The following SEMA6A variants were observed in gnomAD, a reference collection of about 807,000 sequenced individuals.
The protein encoded by SEMA6A is semaphorin 6A.
In SEMA6A, 25 loss-of-function variants were observed where a neutral mutation model predicts 96.8. The ratio of observed to expected loss-of-function variants is 0.26; its 90% CI spans 0.19 to 0.36. The LOEUF (loss-of-function observed/expected upper bound fraction) is 0.36. Ranked by LOEUF, SEMA6A falls within the 10% of genes least tolerant of loss-of-function variation. The pLI is 1.00. For synonymous variants in SEMA6A, 612 were observed against 518.0 expected, an observed-to-expected ratio of 1.18 and a Z score of -2.46; for missense variants, 1,363 against 1,323.1, an observed-to-expected ratio of 1.03 and a Z score of -0.47.
Position 116,574,294 on chromosome 5 carries a change from GCT to G in SEMA6A, c.-150_-149del, listed in dbSNP as rs1481659088. On this transcript the variant is annotated 5_prime_UTR_variant, in exon 1 of 19. It removes the in-frame stop codon of an upstream open reading frame in the 5' UTR. Coordinates refer to ENST00000343348, the MANE Select transcript of SEMA6A (RefSeq NM_020796.5). Reference sequence around the variant, plus strand: ...GGGATCTCTCCGGGCCGCGGGCTGCGCTCTCTCCTTCGCAAGCCTTTGTCATT... The same window carrying G: ...GGGATCTCTCCGGGCCGCGGGCTGCGCTCTCCTTCGCAAGCCTTTGTCATT... 4 of 152,536 alleles carry G rather than the reference GCT, an allele frequency of 2.6e-5. No homozygotes were observed. The highest frequency in any genetic ancestry group is 5.9e-5 in the Non-Finnish European group (4 of 68,080). 9.4% of individuals were successfully genotyped at this position (152,536 alleles called of 1,614,324 possible). A position where few individuals can be genotyped will look rare whatever the true frequency, so the allele number is the denominator to read the frequency against.
chr5:116,534,582 C>A (rs1000508956), intron 1 of SEMA6A, among the ~76,000 whole-genome samples: 10 of 152,182 alleles, frequency 6.6e-5, no homozygotes, highest in Non-Finnish European at 1.5e-5. Flanking sequence ...CTTCTTTGAC[C>A]AAATCATCAT....
At chr5:116,489,437 A>G (rs1757228315) in intron 7 of SEMA6A, among the ~76,000 whole-genome samples, 2 of 152,288 alleles carry the variant, frequency 1.3e-5, no homozygotes, top group African/African-American at 2.4e-5. Context: ...TTTTAGGCAC[A>G]TGCATAAGTA....
intron 1 of SEMA6A, among the ~76,000 whole-genome samples, chr5:116,545,196 G>C (rs763188885): frequency 6.6e-6 from 1 of 152,298 alleles, no homozygotes; most frequent in East Asian, 1.9e-4. Flanking sequence ...AGCCAGTCGG[G>C]TTTAGCTTAG....
In SEMA6A at chr5:116,456,926, C is replaced by CG. The variant is rs543494178; in HGVS notation, c.1895-9116dup. Among the ~76,000 whole-genome samples, 987 of 152,270 alleles carry CG rather than the reference C, an allele frequency of 6.5e-3. 17 individuals are homozygous for CG. The highest frequency in any genetic ancestry group is 0.022 in the African/African-American group (932 of 41,536). ...TTACCTTCATCTCTGCATGACTAGA[C>CG]GAGAGAAAAGAAACTCACGAAGGTT... is the stretch of plus-strand genomic sequence containing the variant. On this transcript the variant is annotated intron_variant, in intron 18 of 18. Transcript: ENST00000343348.
At chr5:116,487,057 A>C in intron 9 of SEMA6A, 91 bp from the exon 10 acceptor site, 1 of 873,440 alleles carries the variant, frequency 1.1e-6, no homozygotes, top group South Asian at 1.5e-5. Context: ...ACAGAAACAA[A>C]ACAACAAGGT....
intron 6 of SEMA6A, among the ~76,000 whole-genome samples, chr5:116,492,032 C>T (rs1323724237): frequency 6.6e-6 from 1 of 152,086 alleles, no homozygotes; most frequent in Non-Finnish European, 1.5e-5. Context: ...GAAAGATGGT[C>T]AAATCAGACA....
chr5:116,495,894 C>A, intron 5 of SEMA6A: 1 of 325,104 alleles, frequency 3.1e-6, no homozygotes. Context: ...CAAAACCCTG[C>A]ATGTCTGCGG....
intron 7 of SEMA6A, 132 bp downstream of exon 7, chr5:116,491,608 G>T: frequency 1.5e-6 from 1 of 676,768 alleles, no homozygotes. Context: ...AAACAGAAAG[G>T]CATTCTTAAT....
At chr5:116,526,349 GTC>G (rs1302806155) in intron 1 of SEMA6A, among the ~76,000 whole-genome samples, 4 of 152,000 alleles carry the variant, frequency 2.6e-5, no homozygotes, top group Admixed American at 1.3e-4. Context: ...AACCACTAAT[GTC>G]TCTCTTTTTT....
intron 1 of SEMA6A, among the ~76,000 whole-genome samples, chr5:116,521,713 G>T (rs1349191463): frequency 6.6e-6 from 1 of 152,204 alleles, no homozygotes; most frequent in Non-Finnish European, 1.5e-5. Context: ...CACCTACCCA[G>T]ATGTCTCGGC....
Position 116,526,588 on chromosome 5 carries a change from T to C in SEMA6A, c.-38-21606A>G, listed in dbSNP as rs141808146. On this transcript the variant is annotated intron_variant, in intron 1 of 18. Coordinates refer to ENST00000343348, the MANE Select transcript of SEMA6A (RefSeq NM_020796.5). ...AGCTGCAAAATAAAGTATAAACACA[T>C]ACGTCGTATAAGAAAGAAAAACGCT... Among the ~76,000 whole-genome samples the C allele has an allele frequency of 3.9e-5, 6 of 152,256 alleles. No individual in the cohort carries two copies. In the East Asian group the frequency reaches 1.2e-3, roughly 29 times the overall value.
rs201855094 is a variant in SEMA6A at position 116,477,229 on chromosome 5, T to TTAAAGCCA, written c.1649+609_1649+616dup. On this transcript the variant is annotated intron_variant, in intron 15 of 18. Transcript: ENST00000343348. Reference sequence around the variant, plus strand: ...CTCTTAGCTAATGCCATCTAAGCATTTAAAGCCAGGGTAACAATTTTAAAC... The same window carrying TTAAAGCCA: ...CTCTTAGCTAATGCCATCTAAGCATTTAAAGCCATAAAGCCAGGGTAACAATTTTAAAC... Among the ~76,000 whole-genome samples, 1,515 of 152,316 alleles carry TTAAAGCCA rather than the reference T, an allele frequency of 9.9e-3. 47 individuals carry two copies. Among genetic ancestry groups the TTAAAGCCA allele is most frequent in the East Asian group, 0.095 (492 of 5,180 alleles).
chr5:116,566,298 T>G (rs1761027491), intron 1 of SEMA6A, among the ~76,000 whole-genome samples: 1 of 152,184 alleles, frequency 6.6e-6, no homozygotes, highest in Non-Finnish European at 1.5e-5. Context: ...CATGGATTCT[T>G]TGAATTTAAT....
intron 18 of SEMA6A, among the ~76,000 whole-genome samples, chr5:116,448,814 T>C (rs559344602): frequency 6.4e-4 from 97 of 151,130 alleles, no homozygotes; most frequent in African/African-American, 2.2e-3. Flanking sequence ...TCCTGAATAT[T>C]TGAATGAAGC....
chr5:116,482,493 G>C lies in SEMA6A; in HGVS notation c.1045C>G (p.Pro349Ala). The change falls in exon 11 of 19, where the codon CCT becomes GCT. Residue 349 changes from proline (P) to alanine (A), a missense_variant. Coordinates refer to ENST00000343348, the MANE Select transcript of SEMA6A (RefSeq NM_020796.5). Reference protein sequence around the residue: ...FTGRFKEQKSPDSTWTPVPDE... With the variant: ...FTGRFKEQKSADSTWTPVPDE... ...GGAACTGGTGTCCAGGTGGAATCAGGAGACTTCTGTTCCTTGAATCTCCCA... is the reference window on the plus strand; with the variant it reads ...GGAACTGGTGTCCAGGTGGAATCAGCAGACTTCTGTTCCTTGAATCTCCCA... 2 of 1,613,562 alleles carry C rather than the reference G, an allele frequency of 1.2e-6. No individual in the cohort carries two copies. The highest frequency in any genetic ancestry group is 1.7e-6 in the Non-Finnish European group (2 of 1,179,664).
At chr5:116,529,621 A>G (rs1244474136) in intron 1 of SEMA6A, among the ~76,000 whole-genome samples, 3 of 152,344 alleles carry the variant, frequency 2.0e-5, no homozygotes, top group African/African-American at 2.4e-5. Flanking sequence ...TCAGTTTTCA[A>G]TGGTTCCAAA....
At chr5:116,569,181 G>A (rs1025104171) in intron 1 of SEMA6A, among the ~76,000 whole-genome samples, 30 of 152,322 alleles carry the variant, frequency 2.0e-4, no homozygotes, top group African/African-American at 6.7e-4. Flanking sequence ...AAGAGGTGGG[G>A]AGTGCTGTGG....
At chr5:116,454,354 C>T (rs1754851888) in intron 18 of SEMA6A, among the ~76,000 whole-genome samples, 1 of 152,172 alleles carries the variant, frequency 6.6e-6, no homozygotes, top group Admixed American at 6.6e-5. Flanking sequence ...GACAAGCCTA[C>T]AATTTCCTTG....
intron 17 of SEMA6A, chr5:116,468,088 A>T (rs564325027): frequency 3.9e-6 from 1 of 253,780 alleles, no homozygotes; most frequent in East Asian, 9.8e-5. Flanking sequence ...TAATGGTGAA[A>T]GCATCTTGCA....
Sources: allele counts gnomAD v4.1 joint callset (sites outside exome capture counted in the v4.1 genomes callset), GRCh38; gene constraint gnomAD v4.1.1; transcripts MANE v1.5; gene names NCBI Gene and HGNC (gene_info 2026-07-23, HGNC 2026-07-21).